Variants in DPYSL3 observed in about 807,000 individuals in gnomAD.
The protein encoded by DPYSL3 is dihydropyrimidinase like 3, also known as dihydropyrimidinase-related protein 3.
DPYSL3 carries 16 observed loss-of-function variants against 66.1 expected under a neutral mutation model. The observed-to-expected ratio is 0.24, with a 90% CI of 0.16 to 0.37. The LOEUF (loss-of-function observed/expected upper bound fraction) is 0.37. Among genes scored for constraint, DPYSL3 ranks in the 10% least tolerant of loss-of-function variants. The pLI, the probability that DPYSL3 is intolerant of heterozygous loss-of-function variation, is 1.00. For synonymous variants in DPYSL3, 338 were observed against 345.1 expected (o/e 0.98, Z 0.23); for missense variants, 738 against 916.2 (o/e 0.81, Z 2.51).
intron 2 of DPYSL3, among the ~76,000 whole-genome samples, chr5:147,423,721 G>A (rs1452471428): frequency 6.6e-6 from 1 of 151,690 alleles, no homozygotes; most frequent in Non-Finnish European, 1.5e-5. Context: ...TTGTTTGTTT[G>A]TTTGTTTTTG....
intron 1 of DPYSL3, among the ~76,000 whole-genome samples, chr5:147,445,409 G>A (rs1752613022): frequency 6.6e-6 from 1 of 152,144 alleles, no homozygotes; most frequent in Non-Finnish European, 1.5e-5. Context: ...GATGTCAAAG[G>A]GAAGCTTATG....
At chr5:147,419,232 C>G (rs930094602) in intron 2 of DPYSL3, among the ~76,000 whole-genome samples, 1 of 152,124 alleles carries the variant, frequency 6.6e-6, no homozygotes, top group African/African-American at 2.4e-5. Context: ...AGGAGGAAGT[C>G]AAAGATGCAG....
chr5:147,453,768 T>G, intron 1 of DPYSL3: 1 of 1,297,736 alleles, frequency 7.7e-7, no homozygotes, highest in Non-Finnish European at 9.8e-7. Flanking sequence ...CCAGAGACAA[T>G]AGTAAATCTC....
rs755481306 is a variant in DPYSL3, at chr5:147,408,786, C to T, written c.974G>A (p.Arg325His). 4.3e-6 allele frequency: 7 copies of T among 1,614,102 alleles called. No individual in the cohort carries two copies. The highest frequency in any genetic ancestry group is 3.3e-5 in the South Asian group (3 of 91,078). Residue 325 changes from arginine (R) to histidine (H), a missense_variant, in exon 7 of 14, where the codon CGC becomes CAC. By Grantham distance (29) the Arg-to-His change is conservative (BLOSUM62 0). Transcript: ENST00000343218. ...NGDIIAQEQT[R>H]MLEMGITGPE... Reference sequence around the variant, plus strand: ...GCCAGTTATCCCCATTTCCAACATGCGGGTTTGCTCCTGAAATGAAAAAAG... The same window carrying T: ...GCCAGTTATCCCCATTTCCAACATGTGGGTTTGCTCCTGAAATGAAAAAAG...
intron 2 of DPYSL3, among the ~76,000 whole-genome samples, chr5:147,423,825 A>T (rs1280259083): frequency 6.6e-6 from 1 of 152,094 alleles, no homozygotes; most frequent in Non-Finnish European, 1.5e-5. Flanking sequence ...GGTTCAAGTG[A>T]TTCCCTTGCC....
At chr5:147,419,567 C>T (rs1222802970) in intron 2 of DPYSL3, among the ~76,000 whole-genome samples, 1 of 152,144 alleles carries the variant, frequency 6.6e-6, no homozygotes, top group African/African-American at 2.4e-5. Flanking sequence ...ACAGGGAGAC[C>T]TATGATTCAT....
chr5:147,434,462 T>G (rs538338149), intron 1 of DPYSL3, among the ~76,000 whole-genome samples: 1 of 152,332 alleles, frequency 6.6e-6, no homozygotes, highest in South Asian at 2.1e-4. Flanking sequence ...CTTGAGCCCC[T>G]GGGCCTGTGC....
intron 1 of DPYSL3, among the ~76,000 whole-genome samples, chr5:147,496,152 G>T (rs1046683910): frequency 2.8e-4 from 43 of 152,258 alleles, no homozygotes; most frequent in African/African-American, 9.9e-4. Context: ...ATGGGGAAAG[G>T]ATTCCCTATT....
intron 2 of DPYSL3, among the ~76,000 whole-genome samples, chr5:147,420,255 G>A (rs1320571786): frequency 6.6e-6 from 1 of 152,152 alleles, no homozygotes; most frequent in Non-Finnish European, 1.5e-5. Context: ...TAATAAAGAT[G>A]CCTCCTCCAT....
At chr5:147,431,801 G>T (rs1165114169) in intron 1 of DPYSL3, among the ~76,000 whole-genome samples, 1 of 152,034 alleles carries the variant, frequency 6.6e-6, no homozygotes, top group Non-Finnish European at 1.5e-5. Flanking sequence ...GCCCCTCCAG[G>T]TCATTTTTCC....
At chr5:147,396,826 T>C (rs1307642678) in intron 12 of DPYSL3, among the ~76,000 whole-genome samples, 1 of 150,302 alleles carries the variant, frequency 6.7e-6, no homozygotes, top group Non-Finnish European at 1.5e-5. Flanking sequence ...TACACATATA[T>C]ATACAAACAC....
chr5:147,448,534 T>TTA (rs1488177898), intron 1 of DPYSL3, among the ~76,000 whole-genome samples: 4 of 152,244 alleles, frequency 2.6e-5, no homozygotes, highest in Non-Finnish European at 4.4e-5. Flanking sequence ...AATTTCCACA[T>TTA]TCCAAAGTAG....
intron 1 of DPYSL3, among the ~76,000 whole-genome samples, chr5:147,469,978 AC>A (rs1753061608): frequency 6.6e-6 from 1 of 152,212 alleles, no homozygotes; most frequent in Non-Finnish European, 1.5e-5. Context: ...GTTGTCAGCC[AC>A]CTTTGGACAT....
At chr5:147,436,067 G>A (rs1235328347) in intron 1 of DPYSL3, among the ~76,000 whole-genome samples, 3 of 152,144 alleles carry the variant, frequency 2.0e-5, no homozygotes, top group African/African-American at 7.2e-5. Flanking sequence ...AAAATACCCC[G>A]ACTTCATTGT....
chr5:147,439,717 G>A (rs1256839398), intron 1 of DPYSL3, among the ~76,000 whole-genome samples: 1 of 152,096 alleles, frequency 6.6e-6, no homozygotes, highest in Non-Finnish European at 1.5e-5. Context: ...GAGTGAGGGT[G>A]ATGACAGTGA....
chr5:147,407,851 A>G (rs770179610), intron 7 of DPYSL3, among the ~76,000 whole-genome samples: 3 of 152,094 alleles, frequency 2.0e-5, no homozygotes, highest in Admixed American at 6.5e-5. Flanking sequence ...GTTTCCTTCT[A>G]TGGGTGCTAG....
At chr5:147,426,884 C>T (rs1010653857) in intron 1 of DPYSL3, among the ~76,000 whole-genome samples, 4 of 152,190 alleles carry the variant, frequency 2.6e-5, no homozygotes. Flanking sequence ...AGATACAGAT[C>T]AATGAAGTGT....
At chr5:147,408,207 TGACATCTCGGA>T (rs1404467248) in intron 7 of DPYSL3, among the ~76,000 whole-genome samples, 1 of 152,164 alleles carries the variant, frequency 6.6e-6, no homozygotes, top group African/African-American at 2.4e-5. Flanking sequence ...GTGAAGCTGC[TGACATCTCGGA>T]GACATGGAAC....
chr5:147,444,972 T>C (rs867086404), intron 1 of DPYSL3, among the ~76,000 whole-genome samples: 12 of 151,936 alleles, frequency 7.9e-5, no homozygotes, highest in Admixed American at 2.6e-4. Flanking sequence ...CTAATAACTC[T>C]AATGACTTTG....
Sources: gnomAD v4.1 joint callset for allele counts (sites outside exome capture counted in the v4.1 genomes callset) on GRCh38, gnomAD v4.1.1 for gene constraint, MANE v1.5 for transcripts, NCBI Gene and HGNC (gene_info 2026-07-23, HGNC 2026-07-21) for gene names.